KLHL13: variants seen among roughly 807,000 people sequenced by gnomAD.
KLHL13 encodes the protein kelch like family member 13.
Under a neutral mutation model 37.1 loss-of-function variants are expected in KLHL13, and 10 were observed. The observed-to-expected ratio is 0.27, with a 90% confidence interval of 0.17 to 0.46. The LOEUF (loss-of-function observed/expected upper bound fraction) is 0.46, where lower values mean the gene tolerates loss of function less well. Ranked by LOEUF, KLHL13 falls within the 20% of genes least tolerant of loss-of-function variation. KLHL13 has a pLI of 1.00. For synonymous variants in KLHL13, 163 were observed against 181.2 expected, an observed-to-expected ratio of 0.90 and a Z score of 0.81; for missense variants, 360 against 509.3, an observed-to-expected ratio of 0.71 and a Z score of 2.82.
chrX:117,994,419 A>AT (rs2053831196), intron 1 of KLHL13, among the ~76,000 whole-genome samples: 1 of 109,662 alleles, frequency 9.1e-6, no homozygotes, highest in African/African-American at 3.3e-5. Flanking sequence ...ATGCCCACTA[A>AT]TTTTTTTATT....
At chrX:118,047,421 A>G (rs1318674518) in intron 1 of KLHL13, among the ~76,000 whole-genome samples, 1 of 112,196 alleles carries the variant, frequency 8.9e-6, no homozygotes, top group Non-Finnish European at 1.9e-5. Flanking sequence ...AATTCATAAC[A>G]CACATGACAG....
chrX:118,027,566 A>G (rs1182113069), intron 1 of KLHL13, among the ~76,000 whole-genome samples: 3 of 109,553 alleles, frequency 2.7e-5, no homozygotes, highest in Non-Finnish European at 5.7e-5. Flanking sequence ...AAGTTCCCTC[A>G]TACTAGCTCA....
intron 1 of KLHL13, among the ~76,000 whole-genome samples, chrX:117,958,134 T>C (rs1428059913): frequency 9.0e-6 from 1 of 111,224 alleles, no homozygotes. Flanking sequence ...AACAAGACCA[T>C]GATACACAAT....
chrX:117,987,242 T>C (rs961720826), intron 1 of KLHL13, among the ~76,000 whole-genome samples: 2 of 111,087 alleles, frequency 1.8e-5, no homozygotes, highest in East Asian at 2.8e-4. Flanking sequence ...TTACTACTCA[T>C]AGTAAACCAA....
chrX:118,051,472 C>T (rs1487992913), intron 1 of KLHL13, among the ~76,000 whole-genome samples: 2 of 110,000 alleles, frequency 1.8e-5, no homozygotes, highest in Non-Finnish European at 3.8e-5. Flanking sequence ...ACCCGGGAGG[C>T]AGAGCTTGCA....
intron 1 of KLHL13, among the ~76,000 whole-genome samples, chrX:118,031,394 A>C (rs1394733059): frequency 1.1e-5 from 1 of 90,172 alleles, no homozygotes; most frequent in South Asian, 4.5e-4. Context: ...GTGGGATTTA[A>C]CTTTAACTAA....
At chrX:118,052,709 C>A (rs772068075) in intron 1 of KLHL13, among the ~76,000 whole-genome samples, 1 of 108,954 alleles carries the variant, frequency 9.2e-6, no homozygotes, top group East Asian at 2.9e-4. Flanking sequence ...CACCTGTAAT[C>A]GCAGCTACTC....
chrX:117,978,420 G>A (rs2053618439), upstream of KLHL13, among the ~76,000 whole-genome samples: 1 of 111,671 alleles, frequency 9.0e-6, no homozygotes, highest in Non-Finnish European at 1.9e-5. Flanking sequence ...TGTTGAAAAG[G>A]CAGGAACACT....
intron 1 of KLHL13, among the ~76,000 whole-genome samples, chrX:118,099,056 A>G (rs2055251669): frequency 1.8e-5 from 2 of 108,133 alleles, no homozygotes; most frequent in African/African-American, 6.7e-5. Context: ...ACATGTATAC[A>G]TATGTAACAA....
intron 1 of KLHL13, among the ~76,000 whole-genome samples, chrX:118,019,915 GT>G (rs750171473): frequency 0.014 from 1,517 of 104,949 alleles, 34 homozygotes; most frequent in African/African-American, 0.051. Flanking sequence ...ATAGTTTGAA[GT>G]CAGGTAGTGT....
upstream of KLHL13, among the ~76,000 whole-genome samples, chrX:117,978,120 G>A (rs1211836537): frequency 8.9e-6 from 1 of 112,370 alleles, no homozygotes; most frequent in Non-Finnish European, 1.9e-5. Context: ...ACAGAACTGT[G>A]TGAAACCTAG....
At chrX:118,093,808 G>C (rs1333802296) in intron 1 of KLHL13, among the ~76,000 whole-genome samples, 1 of 110,212 alleles carries the variant, frequency 9.1e-6, no homozygotes, top group Non-Finnish European at 1.9e-5. Context: ...ACAAGCATAA[G>C]AAGTATGATG....
At chrX:118,000,485 G>T (rs1428311987) in intron 1 of KLHL13, among the ~76,000 whole-genome samples, 1 of 112,157 alleles carries the variant, frequency 8.9e-6, no homozygotes, top group Non-Finnish European at 1.9e-5. Context: ...TAACAGTAAT[G>T]TTATACTCAC....
chrX:117,928,295 A>G (rs1261965053), intron 2 of KLHL13, among the ~76,000 whole-genome samples: 4 of 112,216 alleles, frequency 3.6e-5, no homozygotes, highest in African/African-American at 1.3e-4. Flanking sequence ...AGGTGACAAA[A>G]ACCAGTAAAT....
intron 1 of KLHL13, 74 bp from the exon 3 acceptor site, chrX:117,945,649 A>G (rs976027664): frequency 1.4e-5 from 13 of 910,241 alleles, no homozygotes; most frequent in Admixed American, 5.2e-5. Flanking sequence ...ATTTAGAAAA[A>G]TAATCAGTCA....
intron 2 of KLHL13, among the ~76,000 whole-genome samples, chrX:117,935,585 C>T (rs1488065044): frequency 9.0e-6 from 1 of 111,418 alleles, no homozygotes; most frequent in Non-Finnish European, 1.9e-5. Flanking sequence ...ACAACCATGG[C>T]GGAAGGTGAA....
rs753604260 is a variant in KLHL13, at chrX:118,036,161, A to G, written c.-56+80347T>C. 6.2e-3 allele frequency among the ~76,000 whole-genome samples: 627 copies of G among 100,505 alleles called. 9 individuals are homozygous for G. The highest frequency in any genetic ancestry group is 0.022 in the African/African-American group (576 of 26,114). 87.3% of individuals were successfully genotyped at this position (100,505 alleles called of 115,157 possible). ...AAGAATCAATATCGTGAAAATGGCCATACTGCCCAAGGTAATTTACAGATT... is the reference window on the plus strand; with the variant it reads ...AAGAATCAATATCGTGAAAATGGCCGTACTGCCCAAGGTAATTTACAGATT... On this transcript the variant is annotated intron_variant, in intron 1 of 6. Transcript: ENST00000371882.
intron 1 of KLHL13, among the ~76,000 whole-genome samples, chrX:118,085,025 AAAT>A (rs767908903): frequency 2.7e-5 from 3 of 109,458 alleles, no homozygotes; most frequent in African/African-American, 6.7e-5. Flanking sequence ...TCTGTCTAAA[AAAT>A]AATAATAATA....
chrX:117,996,733 T>A (rs1027779683), intron 1 of KLHL13, among the ~76,000 whole-genome samples: 1 of 109,857 alleles, frequency 9.1e-6, no homozygotes, highest in African/African-American at 3.3e-5. Flanking sequence ...AACAAATATA[T>A]TCAAATTGTG....
Sources: allele counts gnomAD v4.1 joint callset (sites outside exome capture counted in the v4.1 genomes callset), GRCh38; gene constraint gnomAD v4.1.1; transcripts MANE v1.5; gene names NCBI Gene and HGNC (gene_info 2026-07-23, HGNC 2026-07-21).